The following ITK variants were observed in gnomAD, a reference collection of about 807,000 sequenced individuals.
ITK encodes tyrosine-protein kinase ITK/TSK.
Under a neutral mutation model 87.6 loss-of-function variants are expected in ITK, and 45 were observed. The observed-to-expected ratio is 0.51, with a 90% CI of 0.40 to 0.66. ITK has a LOEUF of 0.66. Among genes scored for constraint, ITK ranks in the 30% least tolerant of loss-of-function variants. The pLI, the probability that ITK is intolerant of heterozygous loss-of-function variation, is 0.00. For missense variants in ITK, 605 were observed against 766.3 expected (o/e 0.79, Z 2.48); for synonymous variants, 303 against 273.6 (o/e 1.11, Z -1.06).
chr5:157,239,376 G>A (rs1399965247), intron 9 of ITK, among the ~76,000 whole-genome samples: 7 of 152,146 alleles, frequency 4.6e-5, no homozygotes, highest in Non-Finnish European at 8.8e-5. Flanking sequence ...GTAACCACAC[G>A]TTAGCAGTCT....
At chr5:157,245,469 A>C (rs192256062) in intron 13 of ITK, 1 of 564,442 alleles carries the variant, frequency 1.8e-6, no homozygotes, top group Non-Finnish European at 3.2e-6. Flanking sequence ...TTGGTTAGAC[A>C]ACACCAAGGA....
chr5:157,214,448 G>A lies in ITK; in HGVS notation c.454+129G>A, dbSNP rs73814043. ...CTACATTTTCAGAATTTTCCAAGAG[G>A]AATCATCTGTCTTTCCTACCAGCCT... On this transcript the variant is annotated intron_variant, in intron 4 of 16. Transcript: ENST00000422843. The A allele has an allele frequency of 2.7e-3, 2,142 of 788,344 alleles. 42 individuals are homozygous for A. The African/African-American group carries it at 0.034, about 12-fold the overall frequency. 48.8% of individuals were successfully genotyped at this position (788,344 alleles called of 1,614,324 possible).
At chr5:157,192,433 GC>G (rs1344441247) in intron 1 of ITK, among the ~76,000 whole-genome samples, 1 of 152,174 alleles carries the variant, frequency 6.6e-6, no homozygotes, top group African/African-American at 2.4e-5. Context: ...TTTAGACAGG[GC>G]CTATGACACT....
At chr5:157,246,753 G>A (rs1428816466) in intron 15 of ITK, among the ~76,000 whole-genome samples, 1 of 152,088 alleles carries the variant, frequency 6.6e-6, no homozygotes, top group Admixed American at 6.6e-5. Context: ...GAAGAGCCAG[G>A]GAACAGTGTC....
intron 1 of ITK, among the ~76,000 whole-genome samples, chr5:157,185,265 G>A (rs563409639): frequency 8.1e-4 from 121 of 148,932 alleles, no homozygotes; most frequent in African/African-American, 2.9e-3. Context: ...TTTAGACAGA[G>A]TCTTGCTGTG....
At chr5:157,238,441 T>TA (rs539907506) in intron 9 of ITK, among the ~76,000 whole-genome samples, 384 of 152,328 alleles carry the variant, frequency 2.5e-3, no homozygotes, top group African/African-American at 8.7e-3. Flanking sequence ...TTTAGAGTTC[T>TA]AAAGACATAA....
chr5:157,218,865 C>T (rs1292522604), intron 5 of ITK, among the ~76,000 whole-genome samples: 3 of 152,066 alleles, frequency 2.0e-5, no homozygotes, highest in African/African-American at 7.2e-5. Context: ...AATTCTTAGG[C>T]CCCACCCCCA....
Position 157,248,974 on chromosome 5 carries a change from C to G in ITK, c.1758C>G (p.His586Gln). 6.2e-7 allele frequency: 1 copy of G among 1,613,862 alleles called. No homozygotes were observed. The highest frequency in any genetic ancestry group is 1.1e-5 in the South Asian group (1 of 91,070). ...RLYKPRLAST[H>Q]VYQIMNHCWK... ...ACAAGCCCCGGCTGGCCTCCACACA[C>G]GTCTACCAGATTATGAATCACTGCT... Residue 586 changes from histidine (H) to glutamine (Q), a missense_variant, in exon 16 of 17, where the codon CAC becomes CAG. By Grantham distance (24) the His-to-Gln change is conservative (BLOSUM62 0). Transcript: ENST00000422843.
intron 8 of ITK, among the ~76,000 whole-genome samples, chr5:157,233,963 A>ATTTTTTTTT (rs869230073): frequency 4.5e-5 from 1 of 22,294 alleles, no homozygotes; most frequent in Non-Finnish European, 8.0e-5. Context: ...ATATATATAT[A>ATTTTTTTTT]TTTTTTTTTT....
At chr5:157,204,411 A>C (rs534162921) in intron 1 of ITK, among the ~76,000 whole-genome samples, 1 of 152,158 alleles carries the variant, frequency 6.6e-6, no homozygotes, top group South Asian at 2.1e-4. Context: ...AATACAAAAA[A>C]AATTGGGGAC....
chr5:157,244,290 C>G lies in ITK; in HGVS notation c.1261C>G (p.Leu421Val). The stretch of plus-strand genomic sequence containing the variant: ...ACTCTCTCATCCCAAACTGGTGCAG[C>G]TGTATGGGGTGTGCCTGGAGCAGGC... ...MKLSHPKLVQ[L>V]YGVCLEQAPI... Residue 421 changes from leucine (L) to valine (V), a missense_variant, in exon 13 of 17, where the codon CTG becomes GTG. Leu to Val is a conservative substitution (Grantham distance 32, BLOSUM62 1). Around this residue, in one of 3 missense-constraint regions of ITK, gnomAD observed 464 missense variants for 578.0 expected, o/e 0.80. Transcript: ENST00000422843. 6.2e-7 allele frequency: 1 copy of G among 1,614,196 alleles called. No homozygotes were observed.
At chr5:157,200,669 C>A (rs1225039778) in intron 1 of ITK, among the ~76,000 whole-genome samples, 1 of 152,166 alleles carries the variant, frequency 6.6e-6, no homozygotes, top group African/African-American at 2.4e-5. Context: ...GGATCCCAAG[C>A]ACTCATTTGG....
At chr5:157,199,190 C>T (rs561915505) in intron 1 of ITK, 3 of 152,310 alleles carry the variant, frequency 2.0e-5, no homozygotes, top group East Asian at 3.9e-4. Context: ...TCAGGTTGCA[C>T]AGCTGATAAG....
chr5:157,232,361 C>A lies in ITK; in HGVS notation c.735C>A (p.Ser245Arg). The change falls in exon 8 of 17, where the codon AGC (serine) becomes AGA (arginine). Residue 245 changes from serine (S) to arginine (R), a missense_variant. Ser to Arg is a moderately radical substitution (Grantham distance 110). Transcript: ENST00000422843. ...TCAGGTGGTACAATAAGAGTATCAG[C>A]CGAGACAAAGCTGAAAAACTTCTTT... Reference protein sequence around the residue: ...ETYEWYNKSISRDKAEKLLLD... With the variant: ...ETYEWYNKSIRRDKAEKLLLD... 6.2e-7 allele frequency: 1 copy of A among 1,611,296 alleles called. No individual in the cohort carries two copies. The highest frequency in any genetic ancestry group is 8.5e-7 in the Non-Finnish European group (1 of 1,177,848).
At position 157,220,317 on chromosome 5, in the gene ITK, C is replaced by T. The variant is rs114508242; in HGVS notation, c.495+2410C>T. On this transcript the variant is annotated intron_variant, in intron 5 of 16. Coordinates refer to ENST00000422843, the MANE Select transcript of ITK (RefSeq NM_005546.4). ...TGGATACAAACAAGGTCGTATATCA[C>T]ATTGAAGTACAAATTCCGATTCCTC... Among the ~76,000 whole-genome samples, 987 of 152,308 alleles carry T rather than the reference C, an allele frequency of 6.5e-3. 10 individuals are homozygous for T. The highest frequency in any genetic ancestry group is 0.022 in the African/African-American group (934 of 41,564).
intron 7 of ITK, 114 bp downstream of exon 7, chr5:157,228,475 T>G (rs955522319): frequency 1.4e-6 from 1 of 715,418 alleles, no homozygotes; most frequent in African/African-American, 1.7e-5. Context: ...GCAACAGCAA[T>G]GTTCACACAT....
Position 157,234,636 on chromosome 5 carries a change from G to A in ITK, c.768+2242G>A, listed in dbSNP as rs560438260. Among the ~76,000 whole-genome samples, 5 of 152,248 alleles carry A rather than the reference G, an allele frequency of 3.3e-5. No individual in the cohort carries two copies. In the East Asian group the frequency reaches 7.7e-4, roughly 24 times the overall value. On this transcript the variant is annotated intron_variant, in intron 8 of 16. Coordinates refer to ENST00000422843, the MANE Select transcript of ITK (RefSeq NM_005546.4). ...TGTCCTTTGCAGGGACATGGATAAAGCTGGAAAACATCATTCTCAGCAAAC... is the reference window on the plus strand; with the variant it reads ...TGTCCTTTGCAGGGACATGGATAAAACTGGAAAACATCATTCTCAGCAAAC...
chr5:157,215,501 T>A (rs1369251823), intron 4 of ITK, among the ~76,000 whole-genome samples: 1 of 152,222 alleles, frequency 6.6e-6, no homozygotes, highest in African/African-American at 2.4e-5. Context: ...TAGAAATTGG[T>A]AACTATTCAA....
chr5:157,247,421 T>C (rs1755043960), intron 15 of ITK, among the ~76,000 whole-genome samples: 1 of 152,168 alleles, frequency 6.6e-6, no homozygotes, highest in African/African-American at 2.4e-5. Flanking sequence ...GTCATCTCAC[T>C]ATGGGTGATG....
Sources: gnomAD v4.1 joint callset for allele counts (sites outside exome capture counted in the v4.1 genomes callset) on GRCh38, gnomAD v4.1.1 for gene constraint, gnomAD v4.1.1 regional missense constraint, MANE v1.5 for transcripts, NCBI Gene and HGNC (gene_info 2026-07-23, HGNC 2026-07-21) for gene names.